The following SCN11A variants were observed in gnomAD, a reference collection of about 807,000 sequenced individuals.
The protein encoded by SCN11A is sodium channel protein type 11 subunit alpha.
A neutral mutation model predicts 162.2 loss-of-function variants in SCN11A; 122 were observed. The ratio of observed to expected loss-of-function variants is 0.75; its 90% confidence interval spans 0.65 to 0.87. SCN11A has a LOEUF of 0.87. Among genes scored for constraint, SCN11A ranks in the 40% least tolerant of loss-of-function variants. The pLI, the probability that SCN11A is intolerant of heterozygous loss-of-function variation, is 0.00. For missense variants in SCN11A, 2,015 were observed against 2,181.6 expected (o/e 0.92, Z 1.52); for synonymous variants, 758 against 751.5 (o/e 1.01, Z -0.14).
intron 2 of SCN11A, among the ~76,000 whole-genome samples, chr3:38,974,693 T>C (rs1575343579): frequency 7.7e-5 from 2 of 26,040 alleles, no homozygotes; most frequent in African/African-American, 2.9e-4. Context: ...AGACTCCGTC[T>C]CAAAAAAAAA....
At chr3:38,903,078 A>AT (rs1230756055) in intron 16 of SCN11A, among the ~76,000 whole-genome samples, 3 of 152,108 alleles carry the variant, frequency 2.0e-5, no homozygotes, top group Non-Finnish European at 2.9e-5. Context: ...AGCATTTATT[A>AT]TTTTTTAAAT....
intron 7 of SCN11A, among the ~76,000 whole-genome samples, chr3:38,936,602 G>A (rs1257801974): frequency 6.6e-6 from 1 of 150,562 alleles, no homozygotes; most frequent in Non-Finnish European, 1.5e-5. Flanking sequence ...GCCAAATCAT[G>A]AGTGAACTCC....
intron 17 of SCN11A, among the ~76,000 whole-genome samples, chr3:38,899,044 T>C (rs1416002230): frequency 6.6e-6 from 1 of 151,966 alleles, no homozygotes; most frequent in Non-Finnish European, 1.5e-5. Context: ...GTATAAAAAA[T>C]ATAAAATGTA....
chr3:39,022,241 T>C (rs978339647), intron 2 of SCN11A, among the ~76,000 whole-genome samples: 1 of 152,224 alleles, frequency 6.6e-6, no homozygotes, highest in Admixed American at 6.5e-5. Context: ...TGAAGCTCAA[T>C]TGTGCATGTG....
intron 2 of SCN11A, among the ~76,000 whole-genome samples, chr3:38,962,390 C>T (rs780087860): frequency 3.3e-5 from 5 of 151,942 alleles, no homozygotes; most frequent in Non-Finnish European, 5.9e-5. Context: ...ATTGTTTTTT[C>T]TAATTCTGTG....
At chr3:38,852,241 G>A (rs1255760748) in intron 28 of SCN11A, among the ~76,000 whole-genome samples, 1 of 152,148 alleles carries the variant, frequency 6.6e-6, no homozygotes, top group Non-Finnish European at 1.5e-5. Context: ...TTCGAACCAT[G>A]TGCTGGGAGC....
chr3:38,867,385 G>T lies in SCN11A; in HGVS notation c.3887C>A (p.Ser1296Ter). ...IYFVVFIIFGSFFTLNLFIGV... is the reference protein window; with the variant it reads ...IYFVVFIIFG ...AATGAAGAGATTCAGAGTGAAGAAT[G>T]AGCCAAAGATGATAAAGACTACGAA... The change falls in exon 27 of 30, where the codon TCA (serine) becomes TAA (stop). Residue 1296 changes from serine (S) to a stop codon, truncating the protein, a stop_gained. Transcript: ENST00000302328. LOFTEE classifies it high-confidence loss of function. The T allele has an allele frequency of 6.2e-7, 1 of 1,612,802 alleles. No individual in the cohort carries two copies. Among genetic ancestry groups the T allele is most frequent in the Non-Finnish European group, 8.5e-7 (1 of 1,178,854 alleles).
chr3:38,928,938 A>G (rs1460007060), intron 7 of SCN11A, among the ~76,000 whole-genome samples: 1 of 152,190 alleles, frequency 6.6e-6, no homozygotes. Context: ...TTCTAGGTAT[A>G]TGTATAAAAG....
In SCN11A at chr3:38,977,691, T is replaced by A. The variant is rs544444232; in HGVS notation, c.-279-17268A>T. ...TCCCACTGATACCCAAATTGGAACA[T>A]CTCCATCACCCAACAACATGCCTTG... On this transcript the variant is annotated intron_variant, in intron 2 of 29. Coordinates refer to ENST00000302328, the MANE Select transcript of SCN11A (RefSeq NM_001349253.2). 2.0e-5 allele frequency among the ~76,000 whole-genome samples: 3 copies of A among 152,268 alleles called. No homozygotes were observed. The South Asian group carries it at 6.2e-4, about 32-fold the overall frequency.
intron 11 of SCN11A, among the ~76,000 whole-genome samples, chr3:38,916,746 A>G (rs2065966789): frequency 6.6e-6 from 1 of 151,508 alleles, no homozygotes; most frequent in South Asian, 2.1e-4. Flanking sequence ...GGAATTGTTC[A>G]CTCTTTATCT....
chr3:38,848,488 G>T (rs541206699), intron 29 of SCN11A, among the ~76,000 whole-genome samples: 2 of 152,240 alleles, frequency 1.3e-5, no homozygotes, highest in Admixed American at 1.3e-4. Flanking sequence ...ATGGGCAGCA[G>T]AATGCTCTGC....
At chr3:38,971,316 A>G (rs1346281384) in intron 2 of SCN11A, among the ~76,000 whole-genome samples, 2 of 152,110 alleles carry the variant, frequency 1.3e-5, no homozygotes, top group African/African-American at 2.4e-5. Context: ...CTAAAACGTC[A>G]CTAAGGACAC....
In SCN11A at chr3:38,846,606, C is replaced by A; in HGVS notation, c.*88G>T. The A allele has an allele frequency of 1.0e-6, 1 of 971,092 alleles. No individual in the cohort carries two copies. 60.2% of individuals were successfully genotyped at this position (971,092 alleles called of 1,614,324 possible). On this transcript the variant is annotated 3_prime_UTR_variant, in exon 30 of 30. Coordinates refer to ENST00000302328, the MANE Select transcript of SCN11A (RefSeq NM_001349253.2). The stretch of plus-strand genomic sequence containing the variant: ...AATGGCTAATTTGGTGAATCCACTC[C>A]CTGTTGATACACTAAGCTGCTGACC...
At chr3:39,041,420 A>C (rs988438329) in intron 1 of SCN11A, among the ~76,000 whole-genome samples, 3 of 152,240 alleles carry the variant, frequency 2.0e-5, no homozygotes, top group East Asian at 1.9e-4. Context: ...AATTGTCAAA[A>C]GTCAAAGACA....
At chr3:38,864,157 G>C (rs966635551) in intron 27 of SCN11A, among the ~76,000 whole-genome samples, 2 of 152,176 alleles carry the variant, frequency 1.3e-5, no homozygotes, top group East Asian at 3.9e-4. Context: ...ACCCGAATCT[G>C]TCTGTTGGTA....
At chr3:38,957,950 G>A (rs1200321551) in intron 3 of SCN11A, among the ~76,000 whole-genome samples, 1 of 152,234 alleles carries the variant, frequency 6.6e-6, no homozygotes, top group African/African-American at 2.4e-5. Context: ...TGGGAGCCCT[G>A]AGTGGGGCAT....
intron 12 of SCN11A, 28 bp downstream of exon 12, chr3:38,910,038 G>C: frequency 6.2e-7 from 1 of 1,606,726 alleles, no homozygotes; most frequent in Non-Finnish European, 8.5e-7. Context: ...GAGGGAGAGA[G>C]GAAAAAGAGA....
chr3:38,880,318 G>A (rs918163711), intron 22 of SCN11A, among the ~76,000 whole-genome samples, 195 bp from the exon 23 acceptor site: 3 of 152,124 alleles, frequency 2.0e-5, no homozygotes, highest in Non-Finnish European at 1.5e-5. Context: ...ATGGAAGAAG[G>A]AAAATCTTCT....
At chr3:38,925,650 A>G (rs188183030) in intron 8 of SCN11A, 141 bp from the exon 9 acceptor site, 9 of 623,618 alleles carry the variant, frequency 1.4e-5, no homozygotes, top group Admixed American at 2.8e-5. Context: ...TTCCAGCCCC[A>G]CCTTTATCTT....
Sources: gnomAD v4.1 joint callset for allele counts (sites outside exome capture counted in the v4.1 genomes callset) on GRCh38, gnomAD v4.1.1 for gene constraint, MANE v1.5 for transcripts, NCBI Gene and HGNC (gene_info 2026-07-23, HGNC 2026-07-21) for gene names.